The following DOCK9 variants were observed in gnomAD, a reference collection of about 807,000 sequenced individuals.
DOCK9 encodes the protein dedicator of cytokinesis 9.
A neutral mutation model predicts 263.3 loss-of-function variants in DOCK9; 89 were observed. The observed-to-expected ratio is 0.34, with a 90% CI of 0.28 to 0.40. The LOEUF is 0.40. Ranked by LOEUF, DOCK9 falls within the 10% of genes least tolerant of loss-of-function variation. The pLI, the probability that DOCK9 is intolerant of heterozygous loss-of-function variation, is 1.00. For synonymous variants in DOCK9, 976 were observed against 973.1 expected (o/e 1.00, Z -0.06); for missense variants, 2,140 against 2,603.4 (o/e 0.82, Z 3.87).
At chr13:98,839,999 C>T (rs1038599337) in intron 38 of DOCK9, among the ~76,000 whole-genome samples, 1 of 152,184 alleles carries the variant, frequency 6.6e-6, no homozygotes, top group Non-Finnish European at 1.5e-5. Flanking sequence ...TCTAAAAAAT[C>T]AGCAGGATTC....
intron 26 of DOCK9, 98 bp downstream of exon 26, chr13:98,880,449 G>T: frequency 1.3e-6 from 2 of 1,507,664 alleles, no homozygotes; most frequent in Non-Finnish European, 9.1e-7. Flanking sequence ...AGTGGTGTTT[G>T]TCTCTAAGAG....
Position 98,915,386 on chromosome 13 carries a change from G to A in DOCK9, c.835C>T (p.Leu279Phe), listed in dbSNP as rs1301739239. ...ATTGCAGCTTCAAAGTTGAGCTGGA[G>A]GATCTTATTTAGAATTGTGATCCAT... ...EEWITILNKI[L>F]QLNFEAAMQE... is the part of the protein sequence containing the mutation. Residue 279 changes from leucine (L) to phenylalanine (F), a missense_variant, in exon 8 of 53, where the codon CTC (leucine) becomes TTC (phenylalanine). This residue lies in a region of DOCK9 where 1,521 missense variants were observed against 1,741.7 expected (regional missense o/e 0.87). Transcript: ENST00000682017. 1 of 1,613,934 alleles carries A rather than the reference G, an allele frequency of 6.2e-7. No homozygotes were observed. The highest frequency in any genetic ancestry group is 8.5e-7 in the Non-Finnish European group (1 of 1,179,866).
rs2139691574 is a variant in DOCK9, at chr13:98,794,478, G to A, written c.*148C>T. On this transcript the variant is annotated 3_prime_UTR_variant, in exon 53 of 53. Transcript: ENST00000682017. The stretch of plus-strand genomic sequence containing the variant: ...TTCTTACAACTCCTATAGAAAGTCT[G>A]TTAAGAAATAACGTTGTTCTTTATT... The A allele has an allele frequency of 1.2e-6, 1 of 856,918 alleles. No individual in the cohort carries two copies. The highest frequency in any genetic ancestry group is 2.8e-5 in the East Asian group (1 of 36,068). 53.1% of individuals were successfully genotyped at this position (856,918 alleles called of 1,614,324 possible).
chr13:99,059,835 T>G (rs538060640), intron 1 of DOCK9, among the ~76,000 whole-genome samples: 9 of 152,192 alleles, frequency 5.9e-5, no homozygotes, highest in Non-Finnish European at 1.3e-4. Context: ...CTCCAGTCCC[T>G]GGCAACCACT....
At position 98,810,223 on chromosome 13, in the gene DOCK9, G is replaced by C; in HGVS notation, c.5199C>G (p.Ile1733Met). ...GLWKAERYEL[I>M]ADIYKLIIPI... ...GGATGATAAGTTTGTAGATGTCGGC[G>C]ATGAGCTCGTAGCGCTCGGCTTTCC... The change falls in exon 46 of 53, where the codon ATC (isoleucine) becomes ATG (methionine). Residue 1733 changes from isoleucine to methionine, a missense_variant. Coordinates refer to ENST00000682017, the MANE Select transcript of DOCK9 (RefSeq NM_001366683.2). The C allele has an allele frequency of 6.2e-7, 1 of 1,613,756 alleles. No individual in the cohort carries two copies. Among genetic ancestry groups the C allele is most frequent in the Non-Finnish European group, 8.5e-7 (1 of 1,179,872 alleles).
At chr13:98,891,880 G>A (rs190520616) in intron 15 of DOCK9, among the ~76,000 whole-genome samples, 32 of 150,816 alleles carry the variant, frequency 2.1e-4, no homozygotes, top group African/African-American at 3.9e-4. Context: ...AAAAGTTTAT[G>A]GTTTATGTTG....
At chr13:98,911,222 T>C (rs1349528548) in intron 9 of DOCK9, among the ~76,000 whole-genome samples, 2 of 152,210 alleles carry the variant, frequency 1.3e-5, no homozygotes, top group Non-Finnish European at 1.5e-5. Flanking sequence ...ATAAAAGTAT[T>C]TGTAAAACAC....
intron 1 of DOCK9, among the ~76,000 whole-genome samples, chr13:99,043,311 T>C (rs896530681): frequency 2.0e-5 from 3 of 152,212 alleles, no homozygotes; most frequent in Non-Finnish European, 4.4e-5. Context: ...CAAACTTCTC[T>C]TCCAGCTGGC....
intron 1 of DOCK9, among the ~76,000 whole-genome samples, chr13:99,037,216 G>A (rs1163456341): frequency 6.6e-6 from 1 of 151,850 alleles, no homozygotes; most frequent in African/African-American, 2.4e-5. Context: ...AGTGATTTAA[G>A]GTTTTCAAAT....
Position 98,923,342 on chromosome 13 carries a change from A to G in DOCK9, c.446T>C (p.Val149Ala). 2 of 1,613,946 alleles carry G rather than the reference A, an allele frequency of 1.2e-6. No individual in the cohort carries two copies. The highest frequency in any genetic ancestry group is 1.1e-5 in the South Asian group (1 of 91,078). Residue 149 changes from valine (V) to alanine (A), a missense_variant, in exon 5 of 53, where the codon GTT (valine) becomes GCT (alanine). By Grantham distance (64) the Val-to-Ala change is moderately conservative (BLOSUM62 0). Transcript: ENST00000682017. ...CTCCTCGTCAACTTCATAGACATGA[A>G]CTGGAAGTTTATCCAACTTGACCAC... ...NKVVKLDKLPVHVYEVDEEVD... is the reference protein window; with the variant it reads ...NKVVKLDKLPAHVYEVDEEVD...
In DOCK9 at chr13:98,808,737, C is replaced by T; in HGVS notation, c.5367+615G>A. 1.2e-5 allele frequency: 13 copies of T among 1,048,326 alleles called. No homozygotes were observed. In the South Asian group the frequency reaches 1.8e-4, roughly 15 times the overall value. 64.9% of individuals were successfully genotyped at this position (1,048,326 alleles called of 1,614,324 possible). A position where few individuals can be genotyped will look rare whatever the true frequency, so the allele number is the denominator to read the frequency against. Reference sequence around the variant, plus strand: ...AAGGTTATATAATGCTCATAGAAAACCACACGCCCTAAATATATGTATTAT... The same window carrying T: ...AAGGTTATATAATGCTCATAGAAAATCACACGCCCTAAATATATGTATTAT... On this transcript the variant is annotated intron_variant, in intron 47 of 52. Coordinates refer to ENST00000682017, the MANE Select transcript of DOCK9 (RefSeq NM_001366683.2).
chr13:98,863,057 C>A lies in DOCK9; in HGVS notation c.3541G>T (p.Val1181Leu). The part of the protein sequence containing the change: ...LLIENVQRIN[V>L]RDVSPFPVNA... ...ACAGGGAAGGGTGACACATCCCTCA[C>A]ATTGATCCGCTGGACGTTTTCAATC... Residue 1181 changes from valine to leucine, a missense_variant, in exon 32 of 53, where the codon GTG becomes TTG. Val to Leu is a conservative substitution (Grantham distance 32). Around this residue, in one of 2 missense-constraint regions of DOCK9, gnomAD observed 1,521 missense variants for 1,741.7 expected, o/e 0.87. Coordinates refer to ENST00000682017, the MANE Select transcript of DOCK9 (RefSeq NM_001366683.2). 1 of 1,611,366 alleles carries A rather than the reference C, an allele frequency of 6.2e-7. No homozygotes were observed. The highest frequency in any genetic ancestry group is 8.5e-7 in the Non-Finnish European group (1 of 1,178,882).
intron 1 of DOCK9, among the ~76,000 whole-genome samples, chr13:99,068,279 T>C (rs1222268509): frequency 2.6e-5 from 4 of 152,090 alleles, no homozygotes; most frequent in Non-Finnish European, 4.4e-5. Flanking sequence ...ACTAAGAAAG[T>C]CTCTTTAAAA....
At chr13:99,086,697 C>CCGGCG (rs1256331403), upstream of DOCK9, 13 of 146,674 alleles carry the variant, frequency 8.9e-5, no homozygotes, top group Admixed American at 2.7e-4. Flanking sequence ...GGCGGGGTGT[C>CCGGCG]CGGCGCGGCG....
intron 27 of DOCK9, among the ~76,000 whole-genome samples, chr13:98,875,009 G>A (rs1260468245): frequency 6.6e-6 from 1 of 152,080 alleles, no homozygotes; most frequent in Non-Finnish European, 1.5e-5. Context: ...CCTCTGCCTG[G>A]TACTCATTCT....
intron 2 of DOCK9, among the ~76,000 whole-genome samples, chr13:98,945,020 TAAACAAATTAAA>T (rs2056522705): frequency 6.6e-6 from 1 of 152,236 alleles, no homozygotes; most frequent in South Asian, 2.1e-4. Flanking sequence ...AAGATGGTTT[TAAACAAATTAAA>T]GAACAAATGA....
chr13:99,085,756 C>T (rs2042304850), intron 1 of DOCK9, among the ~76,000 whole-genome samples: 1 of 151,858 alleles, frequency 6.6e-6, no homozygotes, highest in Non-Finnish European at 1.5e-5. Flanking sequence ...GCAGGGGCAT[C>T]TCCCACCCTG....
chr13:98,809,717 G>C (rs558478221), intron 46 of DOCK9, among the ~76,000 whole-genome samples: 3 of 152,162 alleles, frequency 2.0e-5, no homozygotes, highest in Non-Finnish European at 2.9e-5. Context: ...GTTAAGATGC[G>C]ATGTCAGAGA....
At position 98,902,490 on chromosome 13, in the gene DOCK9, A is replaced by C; in HGVS notation, c.1178T>G (p.Val393Gly). ...GGATAGAGTAACAAAGAAAGGTTCA[A>C]CCTGAACAAAACAAAACAATCCAAT... ...AENEEGPTTNVEPFFVTLSLF... is the reference protein window; with the variant it reads ...AENEEGPTTNGEPFFVTLSLF... Residue 393 changes from valine to glycine, a missense_variant and splice_region_variant, in exon 12 of 53, where the codon GTT (valine) becomes GGT (glycine). Val to Gly is a moderately radical substitution (Grantham distance 109). Transcript: ENST00000682017. The C allele has an allele frequency of 6.2e-7, 1 of 1,613,352 alleles. No homozygotes were observed. The highest frequency in any genetic ancestry group is 1.1e-5 in the South Asian group (1 of 90,846).
Sources: allele counts gnomAD v4.1 joint callset (sites outside exome capture counted in the v4.1 genomes callset), GRCh38; gene constraint gnomAD v4.1.1; regional missense constraint gnomAD v4.1.1; transcripts MANE v1.5; gene names NCBI Gene and HGNC (gene_info 2026-07-23, HGNC 2026-07-21).